Variants in ZNF451 observed in about 807,000 individuals in gnomAD.
ZNF451 encodes zinc finger protein 451, also known as E3 SUMO-protein ligase ZNF451.
In ZNF451, 80 loss-of-function variants were observed where a neutral mutation model predicts 107.1. That is an observed-to-expected ratio of 0.75 (90% CI 0.62 to 0.90). The LOEUF is 0.90. ZNF451 is among the 40% of genes least tolerant of loss of function. The pLI, the probability that ZNF451 is intolerant of heterozygous loss-of-function variation, is 0.00. For missense variants in ZNF451, 1,107 were observed against 1,236.2 expected, an observed-to-expected ratio of 0.90 and a Z score of 1.57; for synonymous variants, 362 against 406.5, an observed-to-expected ratio of 0.89 and a Z score of 1.32.
At position 57,134,726 on chromosome 6, in the gene ZNF451, A is replaced by G; in HGVS notation, c.576-18A>G. ...GTAGATTTATCTAATATTACCTCTT[A>G]CCTCTTTTGCTGAGTAGGTTCGATC... On this transcript the variant is annotated intron_variant, in intron 6 of 14. Transcript: ENST00000370706. The G allele has an allele frequency of 6.2e-7, 1 of 1,606,460 alleles. No individual in the cohort carries two copies. The highest frequency in any genetic ancestry group is 8.5e-7 in the Non-Finnish European group (1 of 1,177,150).
chr6:57,108,817 CTT>C (rs1829988192), intron 3 of ZNF451: 2 of 985,224 alleles, frequency 2.0e-6, no homozygotes, highest in Non-Finnish European at 2.4e-6. Context: ...GCAAGGCACT[CTT>C]GAGAGAAATT....
rs748432693 is a variant in ZNF451, at chr6:57,133,197, G to A, written c.575+5G>A. On this transcript the variant is annotated splice_donor_5th_base_variant and intron_variant, in intron 6 of 14. Coordinates refer to ENST00000370706, the MANE Select transcript of ZNF451 (RefSeq NM_001031623.3). Reference sequence around the variant, plus strand: ...TCTCTTAGGACATTTGAAAAGGTAAGTAGGATATTCATAATAGTGAATGCT... The same window carrying A: ...TCTCTTAGGACATTTGAAAAGGTAAATAGGATATTCATAATAGTGAATGCT... 5.0e-6 allele frequency: 8 copies of A among 1,612,764 alleles called. No individual in the cohort carries two copies. Among genetic ancestry groups the A allele is most frequent in the Non-Finnish European group, 6.8e-6 (8 of 1,179,222 alleles).
intron 5 of ZNF451, among the ~76,000 whole-genome samples, chr6:57,132,287 T>C (rs1330359209): frequency 1.3e-5 from 2 of 152,220 alleles, no homozygotes; most frequent in African/African-American, 4.8e-5. Flanking sequence ...CTTATCCTCC[T>C]TGCTTCCCTG....
rs1832131507 is a variant in ZNF451, at chr6:57,147,587, T to G, written c.1502T>G (p.Val501Gly). The change falls in exon 10 of 15, where the codon GTG (valine) becomes GGG (glycine). Residue 501 changes from valine to glycine, a missense_variant. Coordinates refer to ENST00000370706, the MANE Select transcript of ZNF451 (RefSeq NM_001031623.3). ...FSANTMGYKC[V>G]VCGKVCDDSG... ...GCAAACACAATGGGTTATAAATGTGTGGTCTGTGGAAAGGTATGTGATGAT... is the reference window on the plus strand; with the variant it reads ...GCAAACACAATGGGTTATAAATGTGGGGTCTGTGGAAAGGTATGTGATGAT... The G allele has an allele frequency of 1.2e-6, 2 of 1,614,124 alleles. No homozygotes were observed. The highest frequency in any genetic ancestry group is 2.7e-5 in the African/African-American group (2 of 75,040).
At chr6:57,129,974 C>G (rs1005050693) in intron 5 of ZNF451, among the ~76,000 whole-genome samples, 11 of 152,242 alleles carry the variant, frequency 7.2e-5, no homozygotes, top group African/African-American at 2.6e-4. Context: ...CATCTGTGAT[C>G]TCAATACTTT....
chr6:57,095,483 C>G (rs1829250060), intron 2 of ZNF451, among the ~76,000 whole-genome samples: 2 of 151,918 alleles, frequency 1.3e-5, no homozygotes, highest in Non-Finnish European at 2.9e-5. Flanking sequence ...CAGGCACGCA[C>G]TACTGTACCC....
chr6:57,144,234 CT>C (rs57250829), intron 9 of ZNF451, among the ~76,000 whole-genome samples: 28,808 of 114,766 alleles, frequency 0.25, 3,784 homozygotes, highest in African/African-American at 0.4. Context: ...GAATTATATC[CT>C]TTTTTTTTTT....
At chr6:57,104,706 T>A in intron 3 of ZNF451, 1 of 985,424 alleles carries the variant, frequency 1.0e-6, no homozygotes, top group Non-Finnish European at 1.2e-6. Context: ...GCTCCTCCAT[T>A]CTTAAATATT....
At chr6:57,149,904 T>TA (rs1832265125) in intron 10 of ZNF451, among the ~76,000 whole-genome samples, 1 of 151,928 alleles carries the variant, frequency 6.6e-6, no homozygotes, top group South Asian at 2.1e-4. Context: ...ACCGAGAAGT[T>TA]AGAGAAAAGA....
chr6:57,123,274 G>A (rs1460376583), intron 3 of ZNF451, among the ~76,000 whole-genome samples: 2 of 152,170 alleles, frequency 1.3e-5, no homozygotes, highest in African/African-American at 4.8e-5. Context: ...ATCATCAGTG[G>A]ATTGGATAAA....
At position 57,106,030 on chromosome 6, in the gene ZNF451, C is replaced by T. The variant is rs945195158; in HGVS notation, c.186+6889C>T. On this transcript the variant is annotated intron_variant, in intron 3 of 14. Transcript: ENST00000370706. ...CAGTATTTAGTATTCTATATTAGTACTACACTAATAATTTACTGAGTGCTA... is the reference window on the plus strand; with the variant it reads ...CAGTATTTAGTATTCTATATTAGTATTACACTAATAATTTACTGAGTGCTA... 7.2e-6 allele frequency: 7 copies of T among 971,814 alleles called. No individual in the cohort carries two copies. In the African/African-American group the frequency reaches 8.8e-5, roughly 12 times the overall value. 60.2% of individuals were successfully genotyped at this position (971,814 alleles called of 1,614,324 possible). A position where few individuals can be genotyped will look rare whatever the true frequency, so the allele number is the denominator to read the frequency against.
chr6:57,128,678 C>A, intron 4 of ZNF451, 51 bp from the exon 5 acceptor site: 2 of 1,295,406 alleles, frequency 1.5e-6, no homozygotes, highest in Non-Finnish European at 1.1e-6. Context: ...ATCCTTTTCT[C>A]AAGGAAAACA....
chr6:57,161,236 CCT>C (rs1763661739), intron 14 of ZNF451, 84 bp downstream of exon 14: 1 of 692,708 alleles, frequency 1.4e-6, no homozygotes, highest in Admixed American at 3.1e-5. Context: ...CCCATTCACC[CCT>C]CTTATTCCCT....
chr6:57,108,199 C>T (rs1452635599), intron 3 of ZNF451: 4 of 985,290 alleles, frequency 4.1e-6, no homozygotes, highest in African/African-American at 3.5e-5. Context: ...GAATTGTGTT[C>T]AGTTAGTAGT....
chr6:57,124,737 A>C lies in ZNF451; in HGVS notation c.190A>C (p.Asn64His), dbSNP rs201025365. Residue 64 changes from asparagine (N) to histidine (H), a missense_variant, in exon 4 of 15, where the codon AAT becomes CAT. By Grantham distance (68) the Asn-to-His change is moderately conservative (BLOSUM62 1). Around this residue, in one of 5 missense-constraint regions of ZNF451, gnomAD observed 339 missense variants for 372.8 expected, o/e 0.91. Coordinates refer to ENST00000370706, the MANE Select transcript of ZNF451 (RefSeq NM_001031623.3). ...EEPSTSYTDE[N>H]IKRKDHIDYQ... is the part of the protein sequence containing the mutation. ...GAAAATTTTTTTCATGTTATAGGAGAATATTAAACGTAAAGACCATATTGA... is the reference window on the plus strand; with the variant it reads ...GAAAATTTTTTTCATGTTATAGGAGCATATTAAACGTAAAGACCATATTGA... 128 of 1,583,624 alleles carry C rather than the reference A, an allele frequency of 8.1e-5. No homozygotes were observed. The Middle Eastern group carries it at 1.2e-3, about 14-fold the overall frequency.
At chr6:57,100,954 G>T in intron 3 of ZNF451, 2 of 1,551,044 alleles carry the variant, frequency 1.3e-6, no homozygotes, top group South Asian at 2.4e-5. Flanking sequence ...GCATGGACGG[G>T]ATGCCATCCT....
intron 3 of ZNF451, chr6:57,101,281 T>C (rs1829583486): frequency 6.4e-7 from 1 of 1,550,970 alleles, no homozygotes; most frequent in South Asian, 1.2e-5. Flanking sequence ...GAAACCTGAT[T>C]GTGTGACTTC....
chr6:57,168,445 TAGA>T lies in ZNF451; in HGVS notation c.3168_3170del (p.Arg1056del), dbSNP rs1356470993. 1.2e-5 allele frequency: 19 copies of T among 1,608,758 alleles called. No homozygotes were observed. The highest frequency in any genetic ancestry group is 1.4e-5 in the Non-Finnish European group (16 of 1,177,528). On this transcript the variant is annotated inframe_deletion, in exon 15 of 15. Transcript: ENST00000370706. The stretch of plus-strand genomic sequence containing the variant: ...CAGATGTGGAATTAGAAGAAGCTAT[TAGA>T]AGAAGTCTTGAGGAAATGTAATTAA...
chr6:57,102,599 A>T, intron 3 of ZNF451: 1 of 986,472 alleles, frequency 1.0e-6, no homozygotes, highest in Non-Finnish European at 1.2e-6. Flanking sequence ...ATCTGTTAAA[A>T]TGTCTTTATG....
Sources: gnomAD v4.1 joint callset for allele counts (sites outside exome capture counted in the v4.1 genomes callset) on GRCh38, gnomAD v4.1.1 for gene constraint, gnomAD v4.1.1 regional missense constraint, MANE v1.5 for transcripts, NCBI Gene and HGNC (gene_info 2026-07-23, HGNC 2026-07-21) for gene names.